The following SHANK2 variants were observed in gnomAD, a reference collection of about 807,000 sequenced individuals.
The protein encoded by SHANK2 is SH3 and multiple ankyrin repeat domains protein 2.
In SHANK2, 43 loss-of-function variants were observed where a neutral mutation model predicts 133.7. The ratio of observed to expected loss-of-function variants is 0.32; its 90% confidence interval spans 0.25 to 0.41. SHANK2 has a LOEUF of 0.41. SHANK2 is among the 10% of genes least tolerant of loss of function. The probability of loss-of-function intolerance (pLI) is 1.00; values close to 1 mark genes in which losing one functional copy is unlikely to be tolerated. For missense variants in SHANK2, 1,994 were observed against 2,235.8 expected (o/e 0.89, Z 2.18); for synonymous variants, 1,017 against 952.8 (o/e 1.07, Z -1.24).
chr11:70,796,936 G>A (rs1947926819), intron 14 of SHANK2, among the ~76,000 whole-genome samples: 1 of 152,180 alleles, frequency 6.6e-6, no homozygotes, highest in Non-Finnish European at 1.5e-5. Context: ...GACAACAACA[G>A]AAAGAAACCG....
chr11:70,507,235 TG>T (rs782525069), intron 17 of SHANK2, among the ~76,000 whole-genome samples: 3 of 152,204 alleles, frequency 2.0e-5, no homozygotes, highest in Non-Finnish European at 1.5e-5. Context: ...TTGTGGCTCT[TG>T]CCAGCCACCA....
chr11:71,172,482 C>T, intron 2 of SHANK2, among the ~76,000 whole-genome samples: 1 of 151,220 alleles, frequency 6.6e-6, no homozygotes, highest in East Asian at 1.9e-4. Context: ...CCTGTTTTCC[C>T]ACCTACTCTG....
chr11:70,744,194 AC>A (rs1946591407), intron 14 of SHANK2, among the ~76,000 whole-genome samples: 2 of 152,146 alleles, frequency 1.3e-5, no homozygotes, highest in Non-Finnish European at 2.9e-5. Context: ...GCAAGTCGCC[AC>A]CCCCATGGCC....
chr11:70,860,589 A>G (rs1949243467), intron 11 of SHANK2, among the ~76,000 whole-genome samples: 1 of 152,248 alleles, frequency 6.6e-6, no homozygotes, highest in African/African-American at 2.4e-5. Flanking sequence ...TGGGTGAATG[A>G]ACGAGGACAA....
intron 15 of SHANK2, among the ~76,000 whole-genome samples, chr11:70,670,292 G>A (rs1944772101): frequency 6.6e-6 from 1 of 152,254 alleles, no homozygotes; most frequent in African/African-American, 2.4e-5. Context: ...GGATCCTCCA[G>A]GGAACGGTGA....
chr11:70,796,657 G>A (rs1328897153), intron 14 of SHANK2, among the ~76,000 whole-genome samples: 2 of 152,226 alleles, frequency 1.3e-5, no homozygotes, highest in Non-Finnish European at 2.9e-5. Flanking sequence ...ACGGGCAATG[G>A]CAGGGCTTGG....
At chr11:71,201,939 C>A (rs1479827261) in intron 2 of SHANK2, among the ~76,000 whole-genome samples, 4 of 152,232 alleles carry the variant, frequency 2.6e-5, no homozygotes, top group African/African-American at 7.2e-5. Context: ...CAGCCATGAG[C>A]CCTCCAAATG....
chr11:70,610,271 A>C (rs1306802272), intron 17 of SHANK2, among the ~76,000 whole-genome samples: 1 of 152,130 alleles, frequency 6.6e-6, no homozygotes, highest in Non-Finnish European at 1.5e-5. Flanking sequence ...AAATTCCATC[A>C]GCATTGCCTG....
intron 17 of SHANK2, among the ~76,000 whole-genome samples, chr11:70,584,794 C>T (rs1028537855): frequency 2.0e-5 from 3 of 152,198 alleles, no homozygotes; most frequent in Non-Finnish European, 2.9e-5. Context: ...TTGGTCTCGC[C>T]ATACCTGAAT....
intron 6 of SHANK2, among the ~76,000 whole-genome samples, chr11:71,103,958 C>T (rs1177507496): frequency 6.6e-6 from 1 of 150,964 alleles, no homozygotes; most frequent in Non-Finnish European, 1.5e-5. Context: ...TTTTGCCATG[C>T]AATGCACCTG....
At position 70,771,519 on chromosome 11, in the gene SHANK2, A is replaced by G. The variant is rs536581758; in HGVS notation, c.1777+26924T>C. On this transcript the variant is annotated intron_variant, in intron 14 of 25. Coordinates refer to ENST00000601538, the MANE Select transcript of SHANK2 (RefSeq NM_012309.5). Reference sequence around the variant, plus strand: ...TTCTCAGGGTTAAAAAGGTGAAGGGAGCAGCTGGGCTGGGTGGAGTGGGTG... The same window carrying G: ...TTCTCAGGGTTAAAAAGGTGAAGGGGGCAGCTGGGCTGGGTGGAGTGGGTG... 1.3e-3 allele frequency among the ~76,000 whole-genome samples: 205 copies of G among 152,256 alleles called. 1 individual carries two copies. The highest frequency in any genetic ancestry group is 4.6e-3 in the African/African-American group (190 of 41,566).
rs2058557880 is a variant in SHANK2 at position 70,468,272 on chromosome 11, C to G, written c.*4597G>C. 2 of 151,412 alleles carry G rather than the reference C, an allele frequency of 1.3e-5. No homozygotes were observed. Among genetic ancestry groups the G allele is most frequent in the African/African-American group, 4.9e-5 (2 of 41,146 alleles). The allele number at this position is 151,412 out of a possible 1,614,324, so 9.4% of individuals were successfully genotyped here. A position where few individuals can be genotyped will look rare whatever the true frequency, so the allele number is the denominator to read the frequency against. The stretch of plus-strand genomic sequence containing the variant: ...GGACAGGGATTGTTGTAATTTTGAA[C>G]ATAAAACGGTAAAGACTGTGGAATG... On this transcript the variant is annotated 3_prime_UTR_variant, in exon 26 of 26. Transcript: ENST00000601538.
In SHANK2 at chr11:71,164,483, G is replaced by A. The variant is rs540530273; in HGVS notation, c.-12-17145C>T. On this transcript the variant is annotated intron_variant, in intron 2 of 25. Transcript: ENST00000601538. ...CAGTGTCCCCAGTGAGGGGCTGACC[G>A]CAGGGTGACCCACCTAAGACACCTC... is the stretch of plus-strand genomic sequence containing the variant. Among the ~76,000 whole-genome samples the A allele has an allele frequency of 5.3e-5, 8 of 152,244 alleles. No individual in the cohort carries two copies. In the South Asian group the frequency reaches 6.2e-4, roughly 12 times the overall value.
chr11:70,599,986 TCTTGAA>T (rs2060470639), intron 17 of SHANK2, among the ~76,000 whole-genome samples: 1 of 150,332 alleles, frequency 6.7e-6, no homozygotes, highest in African/African-American at 2.5e-5. Context: ...TGTATCATGT[TCTTGAA>T]CAGGAAGACA....
chr11:70,760,903 G>A (rs1396981434), intron 14 of SHANK2, among the ~76,000 whole-genome samples: 3 of 152,182 alleles, frequency 2.0e-5, no homozygotes, highest in Non-Finnish European at 4.4e-5. Context: ...GCAGGAGGCG[G>A]GTCCAGAGCC....
At chr11:71,215,982 G>A (rs1327007564) in intron 2 of SHANK2, among the ~76,000 whole-genome samples, 1 of 152,108 alleles carries the variant, frequency 6.6e-6, no homozygotes, top group East Asian at 1.9e-4. Flanking sequence ...AACAGAAGCA[G>A]GCAAGGGAGT....
At chr11:70,778,508 A>G (rs1042780887) in intron 14 of SHANK2, among the ~76,000 whole-genome samples, 19 of 152,182 alleles carry the variant, frequency 1.2e-4, no homozygotes, top group African/African-American at 4.6e-4. Flanking sequence ...TAGAGAGGTA[A>G]TTAAGATTAA....
intron 17 of SHANK2, among the ~76,000 whole-genome samples, chr11:70,523,657 C>T (rs1035355995): frequency 2.6e-5 from 4 of 152,166 alleles, no homozygotes; most frequent in Admixed American, 6.6e-5. Context: ...GTGCAGCAGC[C>T]GGTCCTGGAG....
chr11:71,138,304 GA>G (rs1952487987), intron 3 of SHANK2, among the ~76,000 whole-genome samples: 3 of 152,244 alleles, frequency 2.0e-5, no homozygotes, highest in Admixed American at 1.3e-4. Flanking sequence ...CCAGGTACAG[GA>G]GGGGAAGATA....
Sources: allele counts gnomAD v4.1 joint callset (sites outside exome capture counted in the v4.1 genomes callset), GRCh38; gene constraint gnomAD v4.1.1; transcripts MANE v1.5; gene names NCBI Gene and HGNC (gene_info 2026-07-23, HGNC 2026-07-21).